Variants in SNX8 observed in about 807,000 individuals in gnomAD.
The protein encoded by SNX8 is sorting nexin-8.
Under a neutral mutation model 51.6 loss-of-function variants are expected in SNX8, and 25 were observed. The observed-to-expected ratio is 0.48, with a 90% CI of 0.35 to 0.68. The LOEUF (loss-of-function observed/expected upper bound fraction) is 0.68. SNX8 is among the 30% of genes least tolerant of loss of function. SNX8 has a pLI of 0.00. For missense variants in SNX8, 695 were observed against 624.0 expected, an observed-to-expected ratio of 1.11 and a Z score of -1.21; for synonymous variants, 324 against 277.0, an observed-to-expected ratio of 1.17 and a Z score of -1.68.
intron 1 of SNX8, among the ~76,000 whole-genome samples, chr7:2,286,652 G>A (rs1159448282): frequency 2.0e-5 from 3 of 151,100 alleles, no homozygotes; most frequent in Non-Finnish European, 4.4e-5. Flanking sequence ...CTGAGTAGCC[G>A]GGACTACAGG....
intron 1 of SNX8, among the ~76,000 whole-genome samples, chr7:2,285,181 C>T (rs1025556246): frequency 7.1e-6 from 1 of 140,154 alleles, no homozygotes. Context: ...CACTGCACTC[C>T]AGCCTGGGTG....
Position 2,275,172 on chromosome 7 carries a change from G to T in SNX8, c.358C>A (p.Leu120Ile). ...ATACGGTAGGGGAACTTGTGCAGGA[G>T]CATCTCCTGGAAGACCACGAAGTCA... ...YNDFVVFQEMLLHKFPYRMVP... is the reference protein window; with the variant it reads ...YNDFVVFQEMILHKFPYRMVP... Residue 120 changes from leucine to isoleucine, a missense_variant, in exon 3 of 11, where the codon CTC becomes ATC. Physicochemically the swap from Leu to Ile is conservative, Grantham distance 5. Transcript: ENST00000222990. The T allele has an allele frequency of 6.2e-7, 1 of 1,614,200 alleles. No individual in the cohort carries two copies. The highest frequency in any genetic ancestry group is 8.5e-7 in the Non-Finnish European group (1 of 1,180,006).
Position 2,343,900 on chromosome 7 carries a change from G to C in SNX8, c.-66+10322C>G, listed in dbSNP as rs545341862. ...CAGGCACAGTGGTGCAGGCACAGTG[G>C]TGCAGGCCTGTAATCCCAGCTACTC... is the stretch of plus-strand genomic sequence containing the variant. On this transcript the variant is annotated intron_variant, in intron 1 of 5. Transcript: ENST00000435336. Among the ~76,000 whole-genome samples the C allele has an allele frequency of 3.3e-5, 5 of 151,178 alleles. No homozygotes were observed. The South Asian group carries it at 8.3e-4, about 25-fold the overall frequency.
chr7:2,285,332 T>G (rs1161148642), intron 1 of SNX8, among the ~76,000 whole-genome samples: 3 of 151,904 alleles, frequency 2.0e-5, no homozygotes, highest in Non-Finnish European at 4.4e-5. Flanking sequence ...GAGGTTGCGG[T>G]GAGCCAAGTT....
chr7:2,294,210 C>T (rs1208432862), intron 1 of SNX8, among the ~76,000 whole-genome samples: 1 of 151,866 alleles, frequency 6.6e-6, no homozygotes, highest in Non-Finnish European at 1.5e-5. Context: ...TTGCAGTGAG[C>T]CGAGATCACG....
chr7:2,317,972 AGCT>A (rs1470977665), upstream of SNX8, among the ~76,000 whole-genome samples: 1 of 152,094 alleles, frequency 6.6e-6, no homozygotes, highest in African/African-American at 2.4e-5. Context: ...ACTTCCTTCC[AGCT>A]GCTGTTGCTG....
At chr7:2,354,246 G>T (rs1779257584) in exon 1 of SNX8, 1 of 152,282 alleles carries the variant, frequency 6.6e-6, no homozygotes, top group African/African-American at 2.4e-5. Context: ...CCAGGCAGTC[G>T]TCCTTCTAGT....
intron 1 of SNX8, among the ~76,000 whole-genome samples, chr7:2,321,197 G>T (rs1778503411): frequency 6.6e-6 from 1 of 152,080 alleles, no homozygotes; most frequent in Non-Finnish European, 1.5e-5. Context: ...GCTACAGGTG[G>T]GAACGTGAGG....
In SNX8 at chr7:2,338,436, T is replaced by C. The variant is rs1205979577; in HGVS notation, c.-66+15786A>G. On this transcript the variant is annotated intron_variant, in intron 1 of 5. Coordinates refer to the SNX8 transcript ENST00000435336. ...GAAATCATGCCACTGCACTCTAGCC[T>C]GGGCGACAGAGAGAGACTGTGTCTC... 2.0e-5 allele frequency among the ~76,000 whole-genome samples: 3 copies of C among 147,452 alleles called. No individual in the cohort carries two copies. In the Admixed American group the frequency reaches 2.1e-4, roughly 10 times the overall value.
upstream of SNX8, among the ~76,000 whole-genome samples, chr7:2,318,588 C>T (rs183798532): frequency 0.015 from 2,223 of 150,322 alleles, 46 homozygotes; most frequent in African/African-American, 0.052. Context: ...CCCAGCTACT[C>T]GGGAGGCTGA....
rs887261870 is a variant in SNX8 at position 2,352,771 on chromosome 7, G to T, written c.-66+1451C>A. On this transcript the variant is annotated intron_variant, in intron 1 of 5. Transcript: ENST00000435336. The stretch of plus-strand genomic sequence containing the variant: ...GAATGGCGTGAACCCGGGAGGTGGA[G>T]CTTGCAGTGAGCCGAGATCGTGCCA... Among the ~76,000 whole-genome samples the T allele has an allele frequency of 2.6e-5, 4 of 152,144 alleles. No homozygotes were observed. In the East Asian group the frequency reaches 7.8e-4, roughly 30 times the overall value.
chr7:2,298,994 G>C (rs1042306836), intron 1 of SNX8, among the ~76,000 whole-genome samples: 1 of 151,914 alleles, frequency 6.6e-6, no homozygotes, highest in Non-Finnish European at 1.5e-5. Context: ...TGCCTGGTCT[G>C]AGCTTTTCTT....
chr7:2,289,319 A>C (rs149627631), intron 1 of SNX8, among the ~76,000 whole-genome samples: 1 of 152,146 alleles, frequency 6.6e-6, no homozygotes, highest in Non-Finnish European at 1.5e-5. Flanking sequence ...TTGGCTCCAT[A>C]ACATATCTAC....
chr7:2,306,038 T>G (rs1454189123), intron 1 of SNX8, among the ~76,000 whole-genome samples: 3 of 152,184 alleles, frequency 2.0e-5, no homozygotes, highest in Non-Finnish European at 4.4e-5. Flanking sequence ...GGCATCTTCC[T>G]CGATTTTCAT....
At chr7:2,286,139 G>A (rs1331342213) in intron 1 of SNX8, among the ~76,000 whole-genome samples, 2 of 151,644 alleles carry the variant, frequency 1.3e-5, no homozygotes, top group Non-Finnish European at 2.9e-5. Context: ...AGCCTTCAGA[G>A]CAGCTGGGAT....
rs367895974 is a variant in SNX8, at chr7:2,324,121, C to CA, written c.-66+30100dup. On this transcript the variant is annotated intron_variant, in intron 1 of 5. Coordinates refer to the SNX8 transcript ENST00000435336. ...GGGTGGCAAGGGCAAGACTCCATCT[C>CA]AAAAAAAAAAGAATTTATAAAAAAA... is the stretch of plus-strand genomic sequence containing the variant. Among the ~76,000 whole-genome samples, 1,389 of 143,516 alleles carry CA rather than the reference C, an allele frequency of 9.7e-3. 18 individuals are homozygous for CA. Among genetic ancestry groups the CA allele is most frequent in the African/African-American group, 0.034 (1,313 of 39,126 alleles). 94.2% of individuals were successfully genotyped at this position (143,516 alleles called of 152,430 possible). A position where few individuals can be genotyped will look rare whatever the true frequency, so the allele number is the denominator to read the frequency against.
Position 2,302,250 on chromosome 7 carries a change from G to C in SNX8, c.94+12078C>G, listed in dbSNP as rs1005901412. ...GCCGAGTGCCTGCGATTGCAGGCTC[G>C]CGCCGCCACGCCTGACTGGTTTTCG... On this transcript the variant is annotated intron_variant, in intron 1 of 10. Coordinates refer to ENST00000222990, the MANE Select transcript of SNX8 (RefSeq NM_013321.4). 2.0e-5 allele frequency among the ~76,000 whole-genome samples: 3 copies of C among 152,204 alleles called. No individual in the cohort carries two copies. In the South Asian group the frequency reaches 6.2e-4, roughly 32 times the overall value.
intron 10 of SNX8, among the ~76,000 whole-genome samples, chr7:2,255,385 C>T (rs1413412729): frequency 1.3e-5 from 2 of 152,208 alleles, no homozygotes; most frequent in Non-Finnish European, 2.9e-5. Context: ...GTCACAGACA[C>T]CCACGCTTCG....
At position 2,351,911 on chromosome 7, in the gene SNX8, T is replaced by G. The variant is rs867305650; in HGVS notation, c.-66+2311A>C. On this transcript the variant is annotated intron_variant, in intron 1 of 5. Transcript: ENST00000435336. ...GTTTTTGTTGTTGTTGTTGGTTTTTTTTTTTTTTTTTTTTTGAGATGGATT... is the reference window on the plus strand; with the variant it reads ...GTTTTTGTTGTTGTTGTTGGTTTTTGTTTTTTTTTTTTTTTGAGATGGATT... 1.6e-4 allele frequency among the ~76,000 whole-genome samples: 9 copies of G among 57,808 alleles called. No homozygotes were observed. In the East Asian group the frequency reaches 4.0e-3, roughly 25 times the overall value. The allele number at this position is 57,808 out of a possible 152,430, so 37.9% of individuals were successfully genotyped here.
Sources: gnomAD v4.1 joint callset for allele counts (sites outside exome capture counted in the v4.1 genomes callset) on GRCh38, gnomAD v4.1.1 for gene constraint, MANE v1.5 for transcripts, NCBI Gene and HGNC (gene_info 2026-07-23, HGNC 2026-07-21) for gene names.